Variants in DAGLB observed in about 807,000 individuals in gnomAD.
The protein encoded by DAGLB is diacylglycerol lipase beta.
DAGLB carries 66 observed loss-of-function variants against 72.1 expected under a neutral mutation model. The ratio of observed to expected loss-of-function variants is 0.92; its 90% CI spans 0.75 to 1.12. DAGLB has a LOEUF of 1.12. DAGLB is among the 50% of genes most tolerant of loss of function. The pLI is 0.00. For missense variants in DAGLB, 1,065 were observed against 884.9 expected, an observed-to-expected ratio of 1.20 and a Z score of -2.58; for synonymous variants, 414 against 359.5, an observed-to-expected ratio of 1.15 and a Z score of -1.71.
chr7:6,420,153 A>T (rs1278634339), intron 9 of DAGLB, among the ~76,000 whole-genome samples: 6 of 151,972 alleles, frequency 3.9e-5, no homozygotes, highest in Non-Finnish European at 7.4e-5. Flanking sequence ...TCTCAGAAAC[A>T]AAAACAGTCC....
intron 9 of DAGLB, among the ~76,000 whole-genome samples, chr7:6,418,284 A>C (rs1405206880): frequency 2.0e-5 from 3 of 152,096 alleles, no homozygotes; most frequent in Non-Finnish European, 4.4e-5. Flanking sequence ...CAGGAGGATC[A>C]CTTGAGCCCA....
chr7:6,410,129 C>A lies in DAGLB; in HGVS notation c.1820+1G>T. On this transcript the variant is annotated splice_donor_variant, in intron 14 of 14. Transcript: ENST00000297056. LOFTEE classifies it high-confidence loss of function. ...CACCACACCCACCACGCCGCACTCA[C>A]CGCCCCGAGGCGCCCTCCTCCTGCA... 6.4e-7 allele frequency: 1 copy of A among 1,573,386 alleles called. No homozygotes were observed. The highest frequency in any genetic ancestry group is 1.2e-5 in the South Asian group (1 of 84,712).
intron 5 of DAGLB, 122 bp downstream of exon 5, chr7:6,432,711 GGGGA>G: frequency 8.3e-7 from 1 of 1,198,524 alleles, no homozygotes; most frequent in Non-Finnish European, 1.1e-6. Context: ...AGGAGGGGGA[GGGGA>G]GGGAGGGGAA....
intron 2 of DAGLB, among the ~76,000 whole-genome samples, chr7:6,440,740 G>A (rs1409235796): frequency 1.3e-5 from 2 of 151,610 alleles, no homozygotes; most frequent in Non-Finnish European, 2.9e-5. Context: ...ATAGTAGTGT[G>A]TGCCTGTAAT....
chr7:6,428,334 A>C (rs1403050374), intron 6 of DAGLB, among the ~76,000 whole-genome samples: 1 of 144,448 alleles, frequency 6.9e-6, no homozygotes, highest in Admixed American at 6.9e-5. Flanking sequence ...AAAAAAAAAA[A>C]AGAAAGAAAG....
chr7:6,430,658 G>A (rs370182132), intron 5 of DAGLB, 51 bp from the exon 6 acceptor site: 61 of 1,474,164 alleles, frequency 4.1e-5, no homozygotes, highest in Non-Finnish European at 5.3e-5. Flanking sequence ...TCCTGACACA[G>A]AGGATCAACA....
intron 8 of DAGLB, 91 bp from the exon 9 acceptor site, chr7:6,421,895 G>C: frequency 7.2e-7 from 1 of 1,387,796 alleles, no homozygotes; most frequent in Non-Finnish European, 1.0e-6. Context: ...CACTTCTGTG[G>C]AGGATGGCGG....
chr7:6,436,238 C>G, intron 3 of DAGLB, 124 bp downstream of exon 3: 1 of 1,261,542 alleles, frequency 7.9e-7, no homozygotes, highest in Non-Finnish European at 1.1e-6. Flanking sequence ...TACGCAGAAA[C>G]TAACTCCAAT....
In DAGLB at chr7:6,425,772, G is replaced by A. The variant is rs535107580; in HGVS notation, c.1056+216C>T. Among the ~76,000 whole-genome samples the A allele has an allele frequency of 4.6e-5, 7 of 152,342 alleles. No individual in the cohort carries two copies. The East Asian group carries it at 1.3e-3, about 29-fold the overall frequency. On this transcript the variant is annotated intron_variant, in intron 7 of 14. Coordinates refer to ENST00000297056, the MANE Select transcript of DAGLB (RefSeq NM_139179.4). The stretch of plus-strand genomic sequence containing the variant: ...ACAGCGCGCTATCTCTGATGAAGAC[G>A]TCTCTATCTTATGTGAAACCTGGGT...
chr7:6,418,489 G>C lies in DAGLB; in HGVS notation c.1219-1568C>G, dbSNP rs149073796. Among the ~76,000 whole-genome samples the C allele has an allele frequency of 1.1e-4, 16 of 152,274 alleles. 1 individual carries two copies. The East Asian group carries it at 3.1e-3, about 29-fold the overall frequency. On this transcript the variant is annotated intron_variant, in intron 9 of 14. Transcript: ENST00000297056. ...GCAGTGCCAGGGAAGAAATGACCCT[G>C]TCAATCAAAAATATCTTCAAAATGC...
At chr7:6,434,634 G>C (rs544519122) in intron 4 of DAGLB, 128 bp downstream of exon 4, 1 of 1,472,146 alleles carries the variant, frequency 6.8e-7, no homozygotes, top group East Asian at 2.3e-5. Flanking sequence ...GAGGGTCTCC[G>C]GCCACCCCCC....
chr7:6,415,265 T>C (rs1783868234), intron 11 of DAGLB, among the ~76,000 whole-genome samples: 1 of 152,164 alleles, frequency 6.6e-6, no homozygotes, highest in South Asian at 2.1e-4. Flanking sequence ...TTCATTATTC[T>C]GAACACTTCT....
intron 1 of DAGLB, 77 bp downstream of exon 1, chr7:6,447,671 G>C (rs1785054402): frequency 6.6e-7 from 1 of 1,520,252 alleles, no homozygotes; most frequent in African/African-American, 1.4e-5. Flanking sequence ...AGCCACTTCT[G>C]TCACCGTCTC....
At chr7:6,414,051 C>T (rs1783822918) in intron 11 of DAGLB, among the ~76,000 whole-genome samples, 1 of 152,196 alleles carries the variant, frequency 6.6e-6, no homozygotes, top group Non-Finnish European at 1.5e-5. Flanking sequence ...CGCTCTGTCT[C>T]CCAGGCTGGA....
chr7:6,427,063 G>A (rs533015350), intron 6 of DAGLB, among the ~76,000 whole-genome samples: 1 of 152,080 alleles, frequency 6.6e-6, no homozygotes, highest in Admixed American at 6.6e-5. Context: ...AACTGAGATC[G>A]CGCCACTGCA....
chr7:6,446,212 T>C (rs1236932072), intron 1 of DAGLB, 108 bp from the exon 2 acceptor site: 5 of 1,146,578 alleles, frequency 4.4e-6, no homozygotes, highest in East Asian at 5.5e-5. Flanking sequence ...CTCACACCTG[T>C]AATCACAGCA....
intron 5 of DAGLB, among the ~76,000 whole-genome samples, chr7:6,432,301 G>A (rs1242520613): frequency 6.6e-6 from 1 of 151,436 alleles, no homozygotes; most frequent in African/African-American, 2.4e-5. Context: ...AGCCAATTGT[G>A]TCATTGCACT....
intron 5 of DAGLB, 114 bp downstream of exon 5, chr7:6,432,723 G>A (rs836532): frequency 0.25 from 320,405 of 1,279,358 alleles, 52,633 homozygotes; most frequent in African/African-American, 0.73. Context: ...GGAGGGAGGG[G>A]AAAGGGGAAT....
chr7:6,416,649 A>C lies in DAGLB; in HGVS notation c.1405T>G (p.Ser469Ala), dbSNP rs757552164. 1.4e-5 allele frequency: 22 copies of C among 1,611,518 alleles called. No individual in the cohort carries two copies. Among genetic ancestry groups the C allele is most frequent in the Non-Finnish European group, 1.8e-5 (21 of 1,178,538 alleles). Reference protein sequence around the residue: ...AYPQVRCYAFSPPRGLWSKAL... With the variant: ...AYPQVRCYAFAPPRGLWSKAL... The stretch of plus-strand genomic sequence containing the variant: ...CACCTCCACAGCCCCCGGGGTGGGG[A>C]GAAGGCGTAGCACCTGACCTGCGGG... The change falls in exon 11 of 15, where the codon TCC (serine) becomes GCC (alanine). Residue 469 changes from serine (S) to alanine (A), a missense_variant. Transcript: ENST00000297056.
Sources: allele counts gnomAD v4.1 joint callset (sites outside exome capture counted in the v4.1 genomes callset), GRCh38; gene constraint gnomAD v4.1.1; transcripts MANE v1.5; gene names NCBI Gene and HGNC (gene_info 2026-07-23, HGNC 2026-07-21).